Variants in EIF4E observed in about 807,000 individuals in gnomAD.
EIF4E encodes eIF-4F 25 kDa subunit.
For missense variants in EIF4E, 113 were observed against 265.6 expected (o/e 0.43, Z 3.99); for synonymous variants, 71 against 88.5 (o/e 0.80, Z 1.11).
chr4:98,927,424 G>A (rs1197915175), intron 1 of EIF4E, among the ~76,000 whole-genome samples: 1 of 152,094 alleles, frequency 6.6e-6, no homozygotes, highest in African/African-American at 2.4e-5. Context: ...GGGAGGCTGA[G>A]GCGGGAGGAT....
intron 1 of EIF4E, among the ~76,000 whole-genome samples, chr4:98,927,538 C>T (rs1440993736): frequency 6.6e-6 from 1 of 151,608 alleles, no homozygotes; most frequent in African/African-American, 2.4e-5. Flanking sequence ...CACCTGTAAT[C>T]CCAGCTACTC....
chr4:98,881,010 T>C lies in EIF4E; in HGVS notation c.*18A>G, dbSNP rs1474973274. On this transcript the variant is annotated 3_prime_UTR_variant, in exon 7 of 7. Coordinates refer to ENST00000450253, the MANE Select transcript of EIF4E (RefSeq NM_001968.5). ...TGCTTGACGCAGTCTCCTATGAGAA[T>C]ACTCAGAAGGTGTCTTCTTAAACAA... 4.4e-6 allele frequency: 7 copies of C among 1,600,906 alleles called. No individual in the cohort carries two copies. The highest frequency in any genetic ancestry group is 5.1e-6 in the Non-Finnish European group (6 of 1,174,052).
At chr4:98,901,532 CCATCCTTCATAGG>C (rs1223090636) in intron 2 of EIF4E, among the ~76,000 whole-genome samples, 1 of 152,130 alleles carries the variant, frequency 6.6e-6, no homozygotes, top group Non-Finnish European at 1.5e-5. Context: ...CTTTGTATGT[CCATCCTTCATAGG>C]CATTCTTCTT....
Position 98,887,153 on chromosome 4 carries a change from G to A in EIF4E, c.325C>T (p.Arg109Trp). ...AATGTAATTAGCCATCGTCCTCCCC[G>A]TTTGTTTTTCTCATCTTCCCACATA... is the stretch of plus-strand genomic sequence containing the variant. ...EPMWEDEKNK[R>W]GGRWLITLNK... Residue 109 changes from arginine (R) to tryptophan (W), a missense_variant, in exon 5 of 7, where the codon CGG becomes TGG. Arg to Trp is a moderately radical substitution (Grantham distance 101). Transcript: ENST00000450253. The surrounding 1 kb of genome is among the most constrained non-coding windows in gnomAD (Gnocchi z 4.0). 6.8e-6 allele frequency: 11 copies of A among 1,613,926 alleles called. No homozygotes were observed. Among genetic ancestry groups the A allele is most frequent in the Non-Finnish European group, 8.5e-6 (10 of 1,179,872 alleles).
In EIF4E at chr4:98,879,835, A is replaced by T. The variant is rs1723603277; in HGVS notation, c.*1193T>A. ...AGACTGAATGACTGTGCCTTACTTTATAAAAAAACAAAGATAGCCACATCA... is the reference window on the plus strand; with the variant it reads ...AGACTGAATGACTGTGCCTTACTTTTTAAAAAAACAAAGATAGCCACATCA... On this transcript the variant is annotated 3_prime_UTR_variant, in exon 7 of 7. Coordinates refer to ENST00000450253, the MANE Select transcript of EIF4E (RefSeq NM_001968.5). 6.6e-6 allele frequency: 1 copy of T among 152,180 alleles called. No individual in the cohort carries two copies. Among genetic ancestry groups the T allele is most frequent in the African/African-American group, 2.4e-5 (1 of 41,462 alleles). The allele number at this position is 152,180 out of a possible 1,614,324, so 9.4% of individuals were successfully genotyped here.
rs563643989 is a variant in EIF4E at position 98,898,533 on chromosome 4, G to A, written c.125+3343C>T. ...TGAGGCAGAAGAATCGCTTGAACCC[G>A]GGAGGTGGAGGTCCAGCCTGGGCGA... On this transcript the variant is annotated intron_variant, in intron 2 of 6. Coordinates refer to ENST00000450253, the MANE Select transcript of EIF4E (RefSeq NM_001968.5). Among the ~76,000 whole-genome samples the A allele has an allele frequency of 2.7e-4, 41 of 151,734 alleles. No individual in the cohort carries two copies. The South Asian group carries it at 4.0e-3, about 15-fold the overall frequency.
chr4:98,880,057 T>C lies in EIF4E; in HGVS notation c.*971A>G, dbSNP rs1723615425. ...GGAGAAATAAAAGGACAAATCTAGT[T>C]GTCTAAAAGACAATTCACTGTACAC... On this transcript the variant is annotated 3_prime_UTR_variant, in exon 7 of 7. Coordinates refer to ENST00000450253, the MANE Select transcript of EIF4E (RefSeq NM_001968.5). 1 of 152,624 alleles carries C rather than the reference T, an allele frequency of 6.6e-6. No individual in the cohort carries two copies. Among genetic ancestry groups the C allele is most frequent in the African/African-American group, 2.4e-5 (1 of 41,470 alleles). The allele number at this position is 152,624 out of a possible 1,614,324, so 9.5% of individuals were successfully genotyped here.
chr4:98,888,269 A>C (rs905601718), intron 3 of EIF4E, among the ~76,000 whole-genome samples: 6 of 152,180 alleles, frequency 3.9e-5, no homozygotes, highest in Non-Finnish European at 8.8e-5. Context: ...AGGTGGCTTT[A>C]AGTAGATGAA....
In EIF4E at chr4:98,901,586, C is replaced by A. The variant is rs975243896; in HGVS notation, c.125+290G>T. ...AAAGCCTCCTATATGATGCTAGTAT[C>A]CCCGGTCTTTGTCCTGAGTCAAGTT... On this transcript the variant is annotated intron_variant, in intron 2 of 6. Transcript: ENST00000450253. Among the ~76,000 whole-genome samples the A allele has an allele frequency of 5.3e-5, 8 of 152,334 alleles. 1 individual carries two copies. The South Asian group carries it at 1.2e-3, about 24-fold the overall frequency.
intron 1 of EIF4E, among the ~76,000 whole-genome samples, chr4:98,912,044 G>A (rs943181806): frequency 6.6e-6 from 1 of 151,808 alleles, no homozygotes; most frequent in Non-Finnish European, 1.5e-5. Context: ...CACGAGGTCA[G>A]GAGTTCAAGA....
At chr4:98,919,558 CTTT>C (rs532537834) in intron 1 of EIF4E, among the ~76,000 whole-genome samples, 16 of 131,868 alleles carry the variant, frequency 1.2e-4, no homozygotes, top group Admixed American at 1.1e-3. Context: ...GATTCTTTTT[CTTT>C]TTTTTTTTTT....
At chr4:98,909,901 A>T in intron 1 of EIF4E, 1 of 582,102 alleles carries the variant, frequency 1.7e-6, no homozygotes, top group Non-Finnish European at 3.0e-6. Context: ...GTAATCATGG[A>T]GGAGGCGGCT....
chr4:98,881,609 C>G (rs1723694565), intron 6 of EIF4E, among the ~76,000 whole-genome samples: 1 of 152,066 alleles, frequency 6.6e-6, no homozygotes, highest in South Asian at 2.1e-4. Flanking sequence ...TAAAATGTTA[C>G]ATTTCACGTC....
At chr4:98,903,514 T>C (rs34445885) in intron 1 of EIF4E, 97,359 of 454,650 alleles carry the variant, frequency 0.21, 12,477 homozygotes, top group Non-Finnish European at 0.28. Context: ...GCTAATTCTT[T>C]TTTATTTTTA....
At chr4:98,884,686 C>T (rs2110176616) in intron 6 of EIF4E, among the ~76,000 whole-genome samples, 1 of 152,078 alleles carries the variant, frequency 6.6e-6, no homozygotes, top group Admixed American at 6.6e-5. Context: ...ATAGCCTGGA[C>T]AACAGAGTGA....
At chr4:98,918,958 A>G (rs1725526143) in intron 1 of EIF4E, among the ~76,000 whole-genome samples, 1 of 152,214 alleles carries the variant, frequency 6.6e-6, no homozygotes, top group Admixed American at 6.5e-5. Context: ...GTACTTTTGC[A>G]TAAAACTTGA....
In EIF4E at chr4:98,880,822, T is replaced by C. The variant is rs888869625; in HGVS notation, c.*206A>G. 5.3e-6 allele frequency: 5 copies of C among 939,544 alleles called. No homozygotes were observed. The highest frequency in any genetic ancestry group is 7.2e-6 in the Non-Finnish European group (5 of 690,828). 58.2% of individuals were successfully genotyped at this position (939,544 alleles called of 1,614,324 possible). On this transcript the variant is annotated 3_prime_UTR_variant, in exon 7 of 7. Coordinates refer to ENST00000450253, the MANE Select transcript of EIF4E (RefSeq NM_001968.5). ...TACTGTAATTCTTTGATTGGGATAGTGGAAACTCTAGCCAAAAAAAAAAAA... is the reference window on the plus strand; with the variant it reads ...TACTGTAATTCTTTGATTGGGATAGCGGAAACTCTAGCCAAAAAAAAAAAA...
In EIF4E at chr4:98,922,780, T is replaced by C. The variant is rs541005041; in HGVS notation, c.18+6315A>G. Among the ~76,000 whole-genome samples the C allele has an allele frequency of 6.6e-5, 10 of 152,152 alleles. 1 individual carries two copies. Among genetic ancestry groups the C allele is most frequent in the African/African-American group, 2.2e-4 (9 of 41,536 alleles). ...CCTATAAATCCAATGCTGGTTAGAT[T>C]TGTAATGATTCCACAAAAATTTACT... On this transcript the variant is annotated intron_variant, in intron 1 of 6. Transcript: ENST00000450253.
At chr4:98,918,878 G>C (rs1725522673) in intron 1 of EIF4E, among the ~76,000 whole-genome samples, 2 of 152,170 alleles carry the variant, frequency 1.3e-5, no homozygotes, top group South Asian at 4.1e-4. Flanking sequence ...TCTATTAAAA[G>C]TTAAACAACT....
Sources: allele counts gnomAD v4.1 joint callset (sites outside exome capture counted in the v4.1 genomes callset), GRCh38; gene constraint gnomAD v4.1.1; non-coding constraint Gnocchi (gnomAD v3.1); transcripts MANE v1.5; gene names NCBI Gene and HGNC (gene_info 2026-07-23, HGNC 2026-07-21).